The following CHD1L variants were observed in gnomAD, a reference collection of about 807,000 sequenced individuals.
CHD1L encodes the protein chromodomain helicase DNA binding protein 1 like.
A neutral mutation model predicts 115.9 loss-of-function variants in CHD1L; 118 were observed. The ratio of observed to expected loss-of-function variants is 1.02; its 90% CI spans 0.88 to 1.19. CHD1L has a LOEUF of 1.19. CHD1L is among the 50% of genes most tolerant of loss of function. CHD1L has a pLI of 0.00. For synonymous variants in CHD1L, 411 were observed against 387.1 expected (o/e 1.06, Z -0.72); for missense variants, 1,179 against 1,065.3 (o/e 1.11, Z -1.49).
At chr1:147,271,256 CG>C (rs1278738176) in intron 11 of CHD1L, 2 of 360,070 alleles carry the variant, frequency 5.6e-6, no homozygotes, top group Admixed American at 4.0e-5. Context: ...AATTATGGGC[CG>C]TGGAGCAAAT....
chr1:147,231,597 G>A, the CHD1L span, among the ~76,000 whole-genome samples: 8 of 152,092 alleles, frequency 5.3e-5, no homozygotes, highest in Non-Finnish European at 1.5e-5. Flanking sequence ...GTCTAATGTT[G>A]ACAGTGGGGT....
chr1:147,275,539 T>C, intron 13 of CHD1L, 71 bp downstream of exon 13: 4 of 1,216,442 alleles, frequency 3.3e-6, no homozygotes, highest in Non-Finnish European at 4.8e-6. Flanking sequence ...GTGAAGAATA[T>C]AGTCCTGGTG....
the CHD1L span, chr1:147,178,432 A>G: frequency 3.1e-6 from 5 of 1,611,520 alleles, no homozygotes; most frequent in Admixed American, 8.3e-5. Context: ...GAATATGTTT[A>G]GAGATGGTGA....
At chr1:147,211,598 T>C in the CHD1L span, 3 of 152,184 alleles carry the variant, frequency 2.0e-5, no homozygotes, top group Admixed American at 2.0e-4. Context: ...TTAATTAAAG[T>C]TACTAAAGAA....
In CHD1L at chr1:147,284,026, TGAG is replaced by T. The variant is rs1233436022; in HGVS notation, c.1706-324_1706-322del. 3.3e-5 allele frequency among the ~76,000 whole-genome samples: 5 copies of T among 152,176 alleles called. No individual in the cohort carries two copies. The East Asian group carries it at 5.8e-4, about 18-fold the overall frequency. ...TTTTATTAGATGATCTTAATGTCAG[TGAG>T]ATTTGCGCTGAGGGATAGTTGGGAA... On this transcript the variant is annotated intron_variant, in intron 15 of 22. Coordinates refer to ENST00000369258, the MANE Select transcript of CHD1L (RefSeq NM_004284.6).
chr1:147,256,695 G>A lies in CHD1L; in HGVS notation c.494+133G>A, dbSNP rs1193423989. On this transcript the variant is annotated intron_variant, in intron 5 of 22. Transcript: ENST00000369258. The stretch of plus-strand genomic sequence containing the variant: ...CCATGAGTTCTGTTTATGGGTAGGC[G>A]GCATGGTGGGAGTCCTGTGTTTACA... 49 of 774,590 alleles carry A rather than the reference G, an allele frequency of 6.3e-5. No individual in the cohort carries two copies. In the South Asian group the frequency reaches 7.8e-4, roughly 12 times the overall value. The allele number at this position is 774,590 out of a possible 1,614,324, so 48.0% of individuals were successfully genotyped here.
At chr1:147,196,713 G>A in the CHD1L span, among the ~76,000 whole-genome samples, 1 of 151,914 alleles carries the variant, frequency 6.6e-6, no homozygotes, top group African/African-American at 2.4e-5. Flanking sequence ...AGACACATTA[G>A]CTTTACCATA....
chr1:147,248,885 A>T (rs376220229), intron 1 of CHD1L, among the ~76,000 whole-genome samples: 2 of 152,234 alleles, frequency 1.3e-5, no homozygotes, highest in East Asian at 3.9e-4. Context: ...TTATAGCTTT[A>T]CTTTTTGTTT....
At chr1:147,225,121 G>A in the CHD1L span, 1 of 1,594,634 alleles carries the variant, frequency 6.3e-7, no homozygotes, top group South Asian at 1.1e-5. Context: ...ATTTTTCAAG[G>A]AAGACCTTGG....
chr1:147,221,233 C>T, the CHD1L span, among the ~76,000 whole-genome samples: 1 of 152,056 alleles, frequency 6.6e-6, no homozygotes, highest in East Asian at 1.9e-4. Flanking sequence ...CCTGGAACAG[C>T]AAAAGGCCAT....
At chr1:147,197,126 T>G in the CHD1L span, among the ~76,000 whole-genome samples, 1 of 152,170 alleles carries the variant, frequency 6.6e-6, no homozygotes, top group Non-Finnish European at 1.5e-5. Context: ...TTTCCTTCAT[T>G]CCTATAACAC....
intron 15 of CHD1L, 113 bp from the exon 16 acceptor site, chr1:147,284,238 G>C (rs1682127301): frequency 1.2e-6 from 1 of 806,766 alleles, no homozygotes; most frequent in Non-Finnish European, 1.9e-6. Context: ...TATGGACTTA[G>C]CCCATTTAGA....
chr1:147,245,984 A>G (rs1553933578), intron 1 of CHD1L, among the ~76,000 whole-genome samples: 1 of 152,216 alleles, frequency 6.6e-6, no homozygotes, highest in African/African-American at 2.4e-5. Context: ...TACAGTCAAG[A>G]TCCAGAACAT....
chr1:147,211,711 AC>A, the CHD1L span: 1 of 152,232 alleles, frequency 6.6e-6, no homozygotes, highest in Non-Finnish European at 1.5e-5. Context: ...TATAGTGAAG[AC>A]ACTTGCTTCT....
intron 13 of CHD1L, among the ~76,000 whole-genome samples, chr1:147,275,806 A>ATGT (rs2102743505): frequency 6.6e-6 from 1 of 150,700 alleles, no homozygotes; most frequent in East Asian, 1.9e-4. Context: ...AGAAAGATAG[A>ATGT]TGTTGCCCTT....
chr1:147,275,617 A>G (rs1290435865), intron 13 of CHD1L, 149 bp downstream of exon 13: 14 of 615,572 alleles, frequency 2.3e-5, no homozygotes, highest in African/African-American at 1.7e-4. Flanking sequence ...CTCCTAGGGT[A>G]GTATTGGGTG....
the CHD1L span, chr1:147,214,798 TC>T: frequency 6.6e-6 from 1 of 152,046 alleles, no homozygotes; most frequent in Non-Finnish European, 1.5e-5. Flanking sequence ...TTCATTTTTA[TC>T]CCCTTAACTA....
At chr1:147,208,245 G>A in the CHD1L span, among the ~76,000 whole-genome samples, 4 of 151,956 alleles carry the variant, frequency 2.6e-5, no homozygotes, top group Admixed American at 1.3e-4. Flanking sequence ...AGTAAATGAC[G>A]CACTGTCCTC....
chr1:147,281,119 T>G (rs149736874), intron 15 of CHD1L, among the ~76,000 whole-genome samples: 1 of 152,202 alleles, frequency 6.6e-6, no homozygotes, highest in South Asian at 2.1e-4. Context: ...CACTTCTAAG[T>G]TGTCTCTCTC....
Sources: gnomAD v4.1 joint callset for allele counts (sites outside exome capture counted in the v4.1 genomes callset) on GRCh38, gnomAD v4.1.1 for gene constraint, MANE v1.5 for transcripts, NCBI Gene and HGNC (gene_info 2026-07-23, HGNC 2026-07-21) for gene names.